The following COX7B2 variants were observed in gnomAD, a reference collection of about 807,000 sequenced individuals.
COX7B2 encodes cytochrome c oxidase subunit 7B2.
For synonymous variants in COX7B2, 37 were observed against 32.1 expected (o/e 1.15, Z -0.51); for missense variants, 109 against 95.9 (o/e 1.14, Z -0.57).
intron 2 of COX7B2, among the ~76,000 whole-genome samples, chr4:46,823,786 A>G (rs559039153): frequency 2.6e-4 from 40 of 151,918 alleles, no homozygotes; most frequent in Non-Finnish European, 3.2e-4. Flanking sequence ...AAAGCAGAAA[A>G]CAACAGACAA....
At chr4:46,831,009 C>G (rs1164294097) in intron 2 of COX7B2, among the ~76,000 whole-genome samples, 1 of 152,196 alleles carries the variant, frequency 6.6e-6, no homozygotes, top group African/African-American at 2.4e-5. Flanking sequence ...GAGGCCAGAG[C>G]CGGCTCCCTC....
At chr4:46,888,152 G>A (rs528545619) in intron 1 of COX7B2, among the ~76,000 whole-genome samples, 73 of 152,222 alleles carry the variant, frequency 4.8e-4, no homozygotes, top group Admixed American at 8.5e-4. Flanking sequence ...AAGCGGTGTC[G>A]CTTTCAAGGT....
chr4:46,893,379 C>A (rs940485592), intron 1 of COX7B2, among the ~76,000 whole-genome samples: 4 of 152,198 alleles, frequency 2.6e-5, no homozygotes, highest in Admixed American at 2.0e-4. Flanking sequence ...ACATACTTCG[C>A]TGTTGAACTG....
chr4:46,762,424 T>C (rs1475289678), intron 2 of COX7B2, among the ~76,000 whole-genome samples: 3 of 137,884 alleles, frequency 2.2e-5, no homozygotes, highest in African/African-American at 8.0e-5. Flanking sequence ...ATAATATATA[T>C]ATTTACTATA....
Position 46,844,970 on chromosome 4 carries a change from T to C in COX7B2, c.-60A>G, listed in dbSNP as rs1186986510. 6.6e-6 allele frequency: 1 copy of C among 151,964 alleles called. No homozygotes were observed. The highest frequency in any genetic ancestry group is 6.6e-5 in the Admixed American group (1 of 15,220). 9.4% of individuals were successfully genotyped at this position (151,964 alleles called of 1,614,324 possible). On this transcript the variant is annotated 5_prime_UTR_variant, in exon 2 of 3. Coordinates refer to ENST00000355591, the MANE Select transcript of COX7B2 (RefSeq NM_130902.3). Reference sequence around the variant, plus strand: ...ATATTTTCTCGTTACCTGTTAGAAATCTGAAGCTCAAATGCTCTCCTCAGA... The same window carrying C: ...ATATTTTCTCGTTACCTGTTAGAAACCTGAAGCTCAAATGCTCTCCTCAGA...
intron 1 of COX7B2, among the ~76,000 whole-genome samples, chr4:46,861,508 A>C (rs987241585): frequency 6.6e-6 from 1 of 152,178 alleles, no homozygotes; most frequent in Non-Finnish European, 1.5e-5. Flanking sequence ...CAATTAAATC[A>C]AATTCAAATT....
intron 2 of COX7B2, among the ~76,000 whole-genome samples, chr4:46,816,002 C>T (rs1719532083): frequency 6.6e-6 from 1 of 152,132 alleles, no homozygotes; most frequent in African/African-American, 2.4e-5. Context: ...GAAACGAGAC[C>T]CGTGACTATT....
intron 2 of COX7B2, among the ~76,000 whole-genome samples, chr4:46,774,008 T>C (rs1281678898): frequency 6.6e-6 from 1 of 152,156 alleles, no homozygotes; most frequent in Admixed American, 6.6e-5. Context: ...CTGACTCTGA[T>C]TTTCCAGAAT....
rs576315921 is a variant in COX7B2, at chr4:46,907,028, T to C, written c.-105+2132A>G. Among the ~76,000 whole-genome samples the C allele has an allele frequency of 3.9e-5, 6 of 152,314 alleles. No homozygotes were observed. In the South Asian group the frequency reaches 1.2e-3, roughly 32 times the overall value. ...AGTCTTAGTTCTGCCTTTAACGTCA[T>C]CCCTTAACAGTGACTTCTTAACAGT... On this transcript the variant is annotated intron_variant, in intron 1 of 2. Transcript: ENST00000355591.
intron 2 of COX7B2, among the ~76,000 whole-genome samples, chr4:46,756,071 G>A (rs1047032903): frequency 6.6e-6 from 1 of 151,906 alleles, no homozygotes; most frequent in Non-Finnish European, 1.5e-5. Flanking sequence ...ATACTACAAA[G>A]CTATGGTAAC....
At chr4:46,753,852 C>A (rs971328617) in intron 2 of COX7B2, among the ~76,000 whole-genome samples, 6 of 151,938 alleles carry the variant, frequency 3.9e-5, no homozygotes, top group African/African-American at 1.4e-4. Flanking sequence ...ACAATGAACT[C>A]AACAAATTTA....
At chr4:46,863,586 C>T (rs894032196) in intron 1 of COX7B2, among the ~76,000 whole-genome samples, 3 of 152,064 alleles carry the variant, frequency 2.0e-5, no homozygotes, top group African/African-American at 7.2e-5. Context: ...TAACCTGTTC[C>T]TTTTAAAACT....
At chr4:46,874,341 T>C (rs1174058659) in intron 1 of COX7B2, among the ~76,000 whole-genome samples, 1 of 152,188 alleles carries the variant, frequency 6.6e-6, no homozygotes, top group East Asian at 1.9e-4. Flanking sequence ...AGCTGAAGTG[T>C]TTTTAGTCGC....
chr4:46,780,089 A>G (rs1717362432), intron 2 of COX7B2, among the ~76,000 whole-genome samples: 1 of 152,222 alleles, frequency 6.6e-6, no homozygotes, highest in South Asian at 2.1e-4. Flanking sequence ...AAAGTGTATT[A>G]CAAGTATTTT....
At chr4:46,885,777 T>C (rs970574312) in intron 1 of COX7B2, among the ~76,000 whole-genome samples, 2 of 152,158 alleles carry the variant, frequency 1.3e-5, no homozygotes, top group Non-Finnish European at 2.9e-5. Context: ...CCGGTGGATG[T>C]AGAAACTGTA....
At chr4:46,844,426 A>G (rs1339920357) in intron 2 of COX7B2, among the ~76,000 whole-genome samples, 1 of 151,934 alleles carries the variant, frequency 6.6e-6, no homozygotes, top group Non-Finnish European at 1.5e-5. Context: ...CAACCCGGCA[A>G]AAAAGGCCCA....
At chr4:46,901,002 G>A (rs1477782238) in intron 1 of COX7B2, among the ~76,000 whole-genome samples, 1 of 152,160 alleles carries the variant, frequency 6.6e-6, no homozygotes, top group Non-Finnish European at 1.5e-5. Context: ...TGTATAATAT[G>A]TAACTTTATT....
At chr4:46,862,920 C>T (rs377571521) in intron 1 of COX7B2, among the ~76,000 whole-genome samples, 1 of 152,158 alleles carries the variant, frequency 6.6e-6, no homozygotes, top group Admixed American at 6.5e-5. Context: ...TGGATGTTTA[C>T]TGGACGTATG....
rs1320558674 is a variant in COX7B2 at position 46,833,402 on chromosome 4, T to G, written c.-50+11558A>C. ...TGAGAAAAGAGGTTAGAAATAGAGA[T>G]ATAAATTTGGGAGGTGTATGCTTAA... On this transcript the variant is annotated intron_variant, in intron 2 of 2. Coordinates refer to ENST00000355591, the MANE Select transcript of COX7B2 (RefSeq NM_130902.3). 6.6e-5 allele frequency among the ~76,000 whole-genome samples: 10 copies of G among 152,266 alleles called. No homozygotes were observed. The East Asian group carries it at 1.7e-3, about 26-fold the overall frequency.
Sources: gnomAD v4.1 joint callset for allele counts (sites outside exome capture counted in the v4.1 genomes callset) on GRCh38, gnomAD v4.1.1 for gene constraint, MANE v1.5 for transcripts, NCBI Gene and HGNC (gene_info 2026-07-23, HGNC 2026-07-21) for gene names.